Variants in SLC15A5 observed in about 807,000 individuals in gnomAD.
SLC15A5 encodes solute carrier family 15 member 5, also known as Peptide/histidine transporter ENSP00000340402.
Under a neutral mutation model 56.1 loss-of-function variants are expected in SLC15A5, and 58 were observed. The observed-to-expected ratio is 1.03, with a 90% CI of 0.84 to 1.29. SLC15A5 has a LOEUF of 1.29. Among genes scored for constraint, SLC15A5 ranks in the 50% most tolerant of loss-of-function variants. The pLI, the probability that SLC15A5 is intolerant of heterozygous loss-of-function variation, is 0.00. For missense variants in SLC15A5, 681 were observed against 672.1 expected, an observed-to-expected ratio of 1.01 and a Z score of -0.15; for synonymous variants, 264 against 250.5, an observed-to-expected ratio of 1.05 and a Z score of -0.51.
intron 5 of SLC15A5, among the ~76,000 whole-genome samples, chr12:16,226,115 A>G (rs376042908): frequency 2.6e-5 from 4 of 152,184 alleles, no homozygotes; most frequent in African/African-American, 9.7e-5. Flanking sequence ...CTGCTGCTCA[A>G]GTGTATTATG....
chr12:16,231,557 G>C (rs530358874), intron 5 of SLC15A5, among the ~76,000 whole-genome samples: 17 of 152,248 alleles, frequency 1.1e-4, no homozygotes, highest in African/African-American at 3.9e-4. Flanking sequence ...CAGAAGGTGG[G>C]GTAACACTCA....
chr12:16,254,619 A>G (rs1488276445), intron 3 of SLC15A5, among the ~76,000 whole-genome samples: 1 of 152,088 alleles, frequency 6.6e-6, no homozygotes. Context: ...GACTGATTCC[A>G]TATCTCAGCT....
At position 16,224,457 on chromosome 12, in the gene SLC15A5, C is replaced by A; in HGVS notation, c.1308G>T (p.Gln436His). ...TTTCCGCCACTCCAAGTAAAACATA[C>A]TGAAGAATCAGGTAGAAACAGGGCA... is the stretch of plus-strand genomic sequence containing the variant. ...SSMPCFYLIL[Q>H]YVLLGVAETL... The change falls in exon 6 of 9, where the codon CAG becomes CAT. Residue 436 changes from glutamine to histidine, a missense_variant. Physicochemically the swap from Gln to His is conservative, Grantham distance 24. Transcript: ENST00000344941. The A allele has an allele frequency of 6.5e-7, 1 of 1,537,168 alleles. No individual in the cohort carries two copies.
intron 5 of SLC15A5, among the ~76,000 whole-genome samples, chr12:16,239,141 A>G (rs1300602155): frequency 6.6e-6 from 1 of 152,214 alleles, no homozygotes; most frequent in Non-Finnish European, 1.5e-5. Context: ...GCAGAGGAGA[A>G]TATGATCAGA....
chr12:16,270,585 A>C lies in SLC15A5; in HGVS notation c.584+1976T>G, dbSNP rs1213756973. On this transcript the variant is annotated intron_variant, in intron 2 of 8. Coordinates refer to ENST00000344941, the MANE Select transcript of SLC15A5 (RefSeq NM_001170798.1). ...ATAACAATAGCTATCATAATTTGAT[A>C]CCTATAATATGCTAGGATACTTTAT... 2.0e-5 allele frequency among the ~76,000 whole-genome samples: 3 copies of C among 152,180 alleles called. 1 individual carries two copies. The highest frequency in any genetic ancestry group is 2.9e-5 in the Non-Finnish European group (2 of 68,034).
intron 7 of SLC15A5, among the ~76,000 whole-genome samples, chr12:16,207,589 A>T (rs981004362): frequency 6.6e-6 from 1 of 151,932 alleles, no homozygotes; most frequent in Non-Finnish European, 1.5e-5. Context: ...GTAGTTTGGG[A>T]TCACTCTTCA....
chr12:16,247,230 A>G (rs1671505), intron 3 of SLC15A5, among the ~76,000 whole-genome samples: 410 of 152,336 alleles, frequency 2.7e-3, no homozygotes, highest in African/African-American at 8.8e-3. Context: ...ATAAAATTGT[A>G]TCAGATATAG....
Position 16,277,591 on chromosome 12 carries a change from C to T in SLC15A5, c.95G>A (p.Cys32Tyr). 1 of 1,536,426 alleles carries T rather than the reference C, an allele frequency of 6.5e-7. No individual in the cohort carries two copies. The highest frequency in any genetic ancestry group is 8.7e-7 in the Non-Finnish European group (1 of 1,146,370). ...AATTTTTTTCACAGAGTGTGAGGAA[C>T]ACAAATCGCCAATATGTCTTACAGT... The part of the protein sequence containing the change: ...EKTVRHIGDL[C>Y]SSHSVKKIQV... Residue 32 changes from cysteine (C) to tyrosine (Y), a missense_variant, in exon 1 of 9, where the codon TGT (cysteine) becomes TAT (tyrosine). By Grantham distance (194) the Cys-to-Tyr change is radical. Transcript: ENST00000344941.
Position 16,206,773 on chromosome 12 carries a change from T to C in SLC15A5, c.1483+10120A>G, listed in dbSNP as rs550158606. On this transcript the variant is annotated intron_variant, in intron 7 of 8. Coordinates refer to ENST00000344941, the MANE Select transcript of SLC15A5 (RefSeq NM_001170798.1). ...AGATCTTGGGAACTGTGGATAAAAA[T>C]GAAGTCAGGTTGCTGTTTCCAGGAA... Among the ~76,000 whole-genome samples, 3 of 152,276 alleles carry C rather than the reference T, an allele frequency of 2.0e-5. No individual in the cohort carries two copies. The East Asian group carries it at 5.8e-4, about 29-fold the overall frequency.
At chr12:16,190,255 C>G (rs1213393707) in intron 8 of SLC15A5, among the ~76,000 whole-genome samples, 1 of 152,148 alleles carries the variant, frequency 6.6e-6, no homozygotes, top group Non-Finnish European at 1.5e-5. Flanking sequence ...CCCCAACCTC[C>G]AGAAAAACCT....
At chr12:16,212,713 T>G (rs1233875735) in intron 7 of SLC15A5, among the ~76,000 whole-genome samples, 1 of 152,148 alleles carries the variant, frequency 6.6e-6, no homozygotes, top group Non-Finnish European at 1.5e-5. Flanking sequence ...ATTCAAAAAT[T>G]TTATCAATTA....
Position 16,257,820 on chromosome 12 carries a change from G to A in SLC15A5, c.635C>T (p.Ser212Phe), listed in dbSNP as rs1394719561. 2.0e-6 allele frequency: 3 copies of A among 1,521,112 alleles called. No individual in the cohort carries two copies. Among genetic ancestry groups the A allele is most frequent in the South Asian group, 1.2e-5 (1 of 80,276 alleles). The allele number at this position is 1,521,112 out of a possible 1,614,324, so 94.2% of individuals were successfully genotyped here. ...CCAGGCCTGTGAGTGCTGGATGTAA[G>A]ATATTCCCAGAAACACAATAGTTGC... ...LNATIVFLGISYIQHSQAWAL... is the reference protein window; with the variant it reads ...LNATIVFLGIFYIQHSQAWAL... Residue 212 changes from serine to phenylalanine, a missense_variant, in exon 3 of 9, where the codon TCT (serine) becomes TTT (phenylalanine). Transcript: ENST00000344941.
intron 3 of SLC15A5, among the ~76,000 whole-genome samples, chr12:16,252,865 G>T (rs1864532652): frequency 6.6e-6 from 1 of 152,084 alleles, no homozygotes; most frequent in African/African-American, 2.4e-5. Context: ...GAAGTTGGAT[G>T]TCCCACACTT....
chr12:16,217,183 G>A (rs1864138416), intron 6 of SLC15A5, among the ~76,000 whole-genome samples, 159 bp from the exon 7 acceptor site: 1 of 152,138 alleles, frequency 6.6e-6, no homozygotes, highest in Admixed American at 6.6e-5. Flanking sequence ...GATATACTGT[G>A]TTACAATTTA....
At position 16,190,108 on chromosome 12, in the gene SLC15A5, A is replaced by C. The variant is rs147118121; in HGVS notation, c.1593-293T>G. On this transcript the variant is annotated intron_variant, in intron 8 of 8. Coordinates refer to ENST00000344941, the MANE Select transcript of SLC15A5 (RefSeq NM_001170798.1). ...TGGTGAGAAGGCTGAAAGCCTATTG[A>C]CTTGACAGATTTCATGGCGGTCAGG... Among the ~76,000 whole-genome samples, 52 of 152,316 alleles carry C rather than the reference A, an allele frequency of 3.4e-4. No individual in the cohort carries two copies. In the East Asian group the frequency reaches 9.9e-3, roughly 29 times the overall value.
Position 16,270,360 on chromosome 12 carries a change from G to T in SLC15A5, c.584+2201C>A, listed in dbSNP as rs114515980. 9.8e-3 allele frequency among the ~76,000 whole-genome samples: 1,499 copies of T among 152,258 alleles called. 31 individuals carry two copies. Among genetic ancestry groups the T allele is most frequent in the African/African-American group, 0.034 (1,424 of 41,556 alleles). On this transcript the variant is annotated intron_variant, in intron 2 of 8. Coordinates refer to ENST00000344941, the MANE Select transcript of SLC15A5 (RefSeq NM_001170798.1). The stretch of plus-strand genomic sequence containing the variant: ...AAGTGGTTACAGATTCAAGGGGTAT[G>T]TTGTTTTTTAAAGGCACGGCTGAAA...
intron 3 of SLC15A5, among the ~76,000 whole-genome samples, chr12:16,248,600 C>T (rs1864487355): frequency 6.6e-6 from 1 of 152,078 alleles, no homozygotes; most frequent in African/African-American, 2.4e-5. Context: ...GGCCCTTGTC[C>T]CATGAAACTG....
Position 16,271,104 on chromosome 12 carries a change from T to C in SLC15A5, c.584+1457A>G, listed in dbSNP as rs1864749901. Among the ~76,000 whole-genome samples, 2 of 152,164 alleles carry C rather than the reference T, an allele frequency of 1.3e-5. No homozygotes were observed. Among genetic ancestry groups the C allele is most frequent in the Non-Finnish European group, 2.9e-5 (2 of 68,034 alleles). On this transcript the variant is annotated intron_variant, in intron 2 of 8. Coordinates refer to ENST00000344941, the MANE Select transcript of SLC15A5 (RefSeq NM_001170798.1). This position sits in a 1 kb window ranked among gnomAD's most constrained non-coding sequence, Gnocchi z 8.0. ...GCCTGGTTCCTTACAGCTGCAGAAA[T>C]TCATTTTCACCCCATTCCCCATCCC...
chr12:16,210,860 G>A (rs1474713113), intron 7 of SLC15A5, among the ~76,000 whole-genome samples: 1 of 152,210 alleles, frequency 6.6e-6, no homozygotes, highest in East Asian at 1.9e-4. Flanking sequence ...TGCAGCATCA[G>A]GGGTTTCTGT....
Sources: gnomAD v4.1 joint callset for allele counts (sites outside exome capture counted in the v4.1 genomes callset) on GRCh38, gnomAD v4.1.1 for gene constraint, Gnocchi (gnomAD v3.1) non-coding constraint, MANE v1.5 for transcripts, NCBI Gene and HGNC (gene_info 2026-07-23, HGNC 2026-07-21) for gene names.